The following CNTN4 variants were observed in gnomAD, a reference collection of about 807,000 sequenced individuals.
The protein encoded by CNTN4 is contactin-4.
Under a neutral mutation model 122.5 loss-of-function variants are expected in CNTN4, and 77 were observed. The ratio of observed to expected loss-of-function variants is 0.63; its 90% CI spans 0.52 to 0.76. The LOEUF is 0.76. CNTN4 is among the 30% of genes least tolerant of loss of function. CNTN4 has a pLI of 0.00. For synonymous variants in CNTN4, 512 were observed against 447.0 expected, an observed-to-expected ratio of 1.15 and a Z score of -1.83; for missense variants, 1,256 against 1,259.1, an observed-to-expected ratio of 1.00 and a Z score of 0.04.
At chr3:2,215,079 C>T (rs956668232) in intron 2 of CNTN4, among the ~76,000 whole-genome samples, 5 of 152,176 alleles carry the variant, frequency 3.3e-5, no homozygotes, top group African/African-American at 9.7e-5. Flanking sequence ...CAGATACAAA[C>T]ATATCCTTTC....
rs183692728 is a variant in CNTN4 at position 2,839,725 on chromosome 3, C to G, written c.454+20144C>G. Among the ~76,000 whole-genome samples the G allele has an allele frequency of 1.2e-3, 178 of 152,060 alleles. 2 individuals carry two copies. Among genetic ancestry groups the G allele is most frequent in the African/African-American group, 4.2e-3 (175 of 41,488 alleles). ...CAGGGCATTGTTGGTTACAGTGCACCCAAGGGAGTGCTCTTAGGGTCAACT... is the reference window on the plus strand; with the variant it reads ...CAGGGCATTGTTGGTTACAGTGCACGCAAGGGAGTGCTCTTAGGGTCAACT... On this transcript the variant is annotated intron_variant, in intron 7 of 24. Coordinates refer to ENST00000418658, the MANE Select transcript of CNTN4 (RefSeq NM_175607.3).
rs548379839 is a variant in CNTN4, at chr3:2,858,667, C to A, written c.455-8085C>A. ...GAACCCAGGTGGTGGAGGCTGCACC[C>A]CGGCACTCCAGCCTGAGTGACAGAG... On this transcript the variant is annotated intron_variant, in intron 7 of 24. Coordinates refer to ENST00000418658, the MANE Select transcript of CNTN4 (RefSeq NM_175607.3). Among the ~76,000 whole-genome samples the A allele has an allele frequency of 7.9e-5, 12 of 151,520 alleles. No individual in the cohort carries two copies. The South Asian group carries it at 2.3e-3, about 29-fold the overall frequency.
intron 2 of CNTN4, among the ~76,000 whole-genome samples, chr3:2,261,610 A>G (rs151242749): frequency 2.0e-5 from 3 of 152,188 alleles, no homozygotes; most frequent in African/African-American, 7.2e-5. Flanking sequence ...TGCATCAACC[A>G]TTAACTATCA....
chr3:2,980,505 A>G (rs1471519651), intron 13 of CNTN4, among the ~76,000 whole-genome samples: 1 of 152,220 alleles, frequency 6.6e-6, no homozygotes, highest in Non-Finnish European at 1.5e-5. Flanking sequence ...CAGTAGTCTA[A>G]ATTGAGGAAA....
At position 2,883,263 on chromosome 3, in the gene CNTN4, C is replaced by A. The variant is rs372138752; in HGVS notation, c.755+16C>A. 8.9e-6 allele frequency: 14 copies of A among 1,579,628 alleles called. No homozygotes were observed. The East Asian group carries it at 2.5e-4, about 28-fold the overall frequency. ...CTTTAGGAAAGTAAGTTCTGGTTTG[C>A]GTTCCTTCTCATCCTCCCTTCAGCT... On this transcript the variant is annotated intron_variant, in intron 9 of 24. Transcript: ENST00000418658.
chr3:2,354,906 C>G (rs947017091), intron 3 of CNTN4, among the ~76,000 whole-genome samples: 1 of 152,144 alleles, frequency 6.6e-6, no homozygotes, highest in Admixed American at 6.5e-5. Context: ...GGCTCCAAGA[C>G]AGAAATAGGA....
chr3:2,211,305 C>T (rs1008426629), intron 2 of CNTN4, among the ~76,000 whole-genome samples: 2 of 152,140 alleles, frequency 1.3e-5, no homozygotes, highest in Non-Finnish European at 2.9e-5. Flanking sequence ...CCAAACACCC[C>T]ACCAGGCCCC....
intron 14 of CNTN4, among the ~76,000 whole-genome samples, chr3:3,022,823 T>C (rs545439440): frequency 6.6e-6 from 1 of 152,310 alleles, no homozygotes; most frequent in African/African-American, 2.4e-5. Flanking sequence ...TTCTACACAG[T>C]ATGAACCAAC....
chr3:2,589,283 C>G (rs139423596), intron 4 of CNTN4, among the ~76,000 whole-genome samples: 2 of 152,142 alleles, frequency 1.3e-5, no homozygotes, highest in African/African-American at 4.8e-5. Context: ...CTTGGGGAGC[C>G]CAGTTGGCTC....
intron 2 of CNTN4, among the ~76,000 whole-genome samples, chr3:2,283,352 A>T (rs550370916): frequency 3.3e-5 from 5 of 152,246 alleles, no homozygotes; most frequent in Non-Finnish European, 7.4e-5. Flanking sequence ...ACATATTACA[A>T]TCCTTTATAA....
chr3:2,428,298 C>A (rs551290277), intron 3 of CNTN4, among the ~76,000 whole-genome samples: 22 of 152,276 alleles, frequency 1.4e-4, no homozygotes, highest in South Asian at 4.1e-4. Context: ...ATTTGCTTGT[C>A]TGTAAAGGAT....
chr3:2,441,866 A>C (rs2048455125), intron 3 of CNTN4, among the ~76,000 whole-genome samples: 1 of 152,168 alleles, frequency 6.6e-6, no homozygotes, highest in South Asian at 2.1e-4. Flanking sequence ...GTGTAAAATG[A>C]ATTTTTATAT....
intron 4 of CNTN4, among the ~76,000 whole-genome samples, chr3:2,684,194 C>T (rs2085314294): frequency 6.6e-6 from 1 of 152,076 alleles, no homozygotes; most frequent in Non-Finnish European, 1.5e-5. Flanking sequence ...CATTAGCACA[C>T]CATGTGAGTT....
chr3:2,135,819 C>T (rs2034666120), intron 2 of CNTN4, among the ~76,000 whole-genome samples: 1 of 152,132 alleles, frequency 6.6e-6, no homozygotes, highest in Non-Finnish European at 1.5e-5. Context: ...GGTTCCTGGT[C>T]TACAGCGAAT....
intron 2 of CNTN4, among the ~76,000 whole-genome samples, chr3:2,287,637 GAA>G (rs879612046): frequency 0.37 from 20,957 of 56,424 alleles, 2,400 homozygotes; most frequent in Middle Eastern, 0.4. Context: ...AGAAGGAGAA[GAA>G]GAAGAAGAAG....
chr3:2,801,383 T>G (rs545581537), intron 6 of CNTN4, among the ~76,000 whole-genome samples: 2 of 152,346 alleles, frequency 1.3e-5, no homozygotes, highest in South Asian at 4.1e-4. Flanking sequence ...CAGTGAAACA[T>G]TGCATCAATT....
intron 2 of CNTN4, among the ~76,000 whole-genome samples, chr3:2,332,622 C>T (rs1427753856): frequency 1.3e-5 from 2 of 148,494 alleles, no homozygotes; most frequent in Non-Finnish European, 3.0e-5. Context: ...TATATAAGAA[C>T]AAAAAACCAA....
At chr3:2,440,006 G>A (rs1360447281) in intron 3 of CNTN4, among the ~76,000 whole-genome samples, 2 of 152,210 alleles carry the variant, frequency 1.3e-5, no homozygotes, top group Non-Finnish European at 2.9e-5. Context: ...ATAAGTAAAT[G>A]AGATTAACAA....
At chr3:2,727,838 T>TA (rs2088345638) in intron 4 of CNTN4, among the ~76,000 whole-genome samples, 2 of 152,208 alleles carry the variant, frequency 1.3e-5, no homozygotes, top group Non-Finnish European at 2.9e-5. Context: ...TCGGTAGACT[T>TA]CTCTGTTTCT....
Sources: allele counts gnomAD v4.1 joint callset (sites outside exome capture counted in the v4.1 genomes callset), GRCh38; gene constraint gnomAD v4.1.1; transcripts MANE v1.5; gene names NCBI Gene and HGNC (gene_info 2026-07-23, HGNC 2026-07-21).